ABCC9: variants seen among roughly 807,000 people sequenced by gnomAD.
ABCC9 encodes the protein ATP-binding cassette sub-family C member 9.
Under a neutral mutation model 188.3 loss-of-function variants are expected in ABCC9, and 95 were observed. The observed-to-expected ratio is 0.50, with a 90% CI of 0.43 to 0.60. ABCC9 has a LOEUF of 0.60. ABCC9 is among the 20% of genes least tolerant of loss of function. The pLI, the probability that ABCC9 is intolerant of heterozygous loss-of-function variation, is 0.00. For synonymous variants in ABCC9, 659 were observed against 652.7 expected (o/e 1.01, Z -0.15); for missense variants, 1,102 against 1,876.3 (o/e 0.59, Z 7.62).
chr12:21,923,967 C>T (rs571155227), intron 5 of ABCC9: 1 of 550,538 alleles, frequency 1.8e-6, no homozygotes, highest in Admixed American at 3.4e-5. Flanking sequence ...TACGGATGAG[C>T]ATCAAAAAAT....
At chr12:21,811,595 T>A (rs564219832) in intron 36 of ABCC9, among the ~76,000 whole-genome samples, 6 of 152,202 alleles carry the variant, frequency 3.9e-5, no homozygotes. Flanking sequence ...CTTTTTTTTT[T>A]GGTGGGAAAC....
intron 30 of ABCC9, 110 bp from the exon 31 acceptor site, chr12:21,829,170 GA>G: frequency 1.9e-6 from 1 of 530,902 alleles, no homozygotes. Flanking sequence ...TGATGGCATG[GA>G]ATGATCAGTA....
At chr12:21,837,644 G>T (rs957140865) in intron 30 of ABCC9, among the ~76,000 whole-genome samples, 18 of 152,214 alleles carry the variant, frequency 1.2e-4, no homozygotes, top group Middle Eastern at 3.4e-3. Flanking sequence ...TATTTCTTTT[G>T]TGAGAATTAT....
chr12:21,840,592 T>C (rs1944330745), intron 29 of ABCC9, among the ~76,000 whole-genome samples: 1 of 152,186 alleles, frequency 6.6e-6, no homozygotes, highest in Non-Finnish European at 1.5e-5. Context: ...ATATCAGTGT[T>C]GAGAAGGCAA....
At position 21,817,194 on chromosome 12, in the gene ABCC9, G is replaced by A; in HGVS notation, c.3885C>T (p.Gly1295=). ...CAATATTTAGAGCAATACCCATTGTGCCTTCATAGTTCTCTGACTCCATAG... is the reference window on the plus strand; with the variant it reads ...CAATATTTAGAGCAATACCCATTGTACCTTCATAGTTCTCTGACTCCATAG... ...FLTMESENYE[G]TMDPSQVPEH... is the part of the protein sequence containing the mutation. Residue 1295 remains glycine, a synonymous_variant, in exon 33 of 40, where the codon GGC becomes GGT. Coordinates refer to ENST00000261200, the MANE Select transcript of ABCC9 (RefSeq NM_020297.4). The A allele has an allele frequency of 6.2e-7, 1 of 1,613,426 alleles. No individual in the cohort carries two copies. Among genetic ancestry groups the A allele is most frequent in the Non-Finnish European group, 8.5e-7 (1 of 1,179,576 alleles).
intron 22 of ABCC9, 53 bp downstream of exon 22, chr12:21,859,533 T>G: frequency 6.4e-7 from 1 of 1,558,334 alleles, no homozygotes; most frequent in Non-Finnish European, 8.9e-7. Context: ...TAAAGACTCA[T>G]TTGTCCAGAT....
At chr12:21,880,790 A>T (rs563884626) in intron 16 of ABCC9, among the ~76,000 whole-genome samples, 39 of 152,204 alleles carry the variant, frequency 2.6e-4, no homozygotes, top group Non-Finnish European at 5.0e-4. Flanking sequence ...TGGCACCATC[A>T]CTTTGGAAAG....
chr12:21,874,338 T>C (rs895960613), intron 17 of ABCC9, among the ~76,000 whole-genome samples: 2 of 151,874 alleles, frequency 1.3e-5, no homozygotes, highest in African/African-American at 4.8e-5. Context: ...ATGGCTGTAA[T>C]AAAAAAACAT....
At position 21,896,098 on chromosome 12, in the gene ABCC9, T is replaced by TA. The variant is rs1329113801; in HGVS notation, c.1619-784dup. 3.8e-3 allele frequency among the ~76,000 whole-genome samples: 127 copies of TA among 33,718 alleles called. 1 individual carries two copies. The South Asian group carries it at 0.096, about 26-fold the overall frequency. 22.1% of individuals were successfully genotyped at this position (33,718 alleles called of 152,430 possible). A position where few individuals can be genotyped will look rare whatever the true frequency, so the allele number is the denominator to read the frequency against. On this transcript the variant is annotated intron_variant, in intron 12 of 39. Coordinates refer to ENST00000261200, the MANE Select transcript of ABCC9 (RefSeq NM_020297.4). ...AATTTTCTTTTTTTTTTTTTTTTTTTACTTTTCTTTTTTTTTTTATTATAC... is the reference window on the plus strand; with the variant it reads ...AATTTTCTTTTTTTTTTTTTTTTTTTAACTTTTCTTTTTTTTTTTATTATAC...
intron 31 of ABCC9, among the ~76,000 whole-genome samples, chr12:21,823,123 A>T (rs1482091173): frequency 6.6e-6 from 1 of 152,142 alleles, no homozygotes; most frequent in Non-Finnish European, 1.5e-5. Context: ...CTTAGGAAAC[A>T]GAAGTTACAA....
At position 21,798,120 on chromosome 12, in the gene ABCC9, G is replaced by A. The variant is rs1368438497; in HGVS notation, c.*2924C>T. 6.6e-6 allele frequency: 1 copy of A among 152,156 alleles called. No individual in the cohort carries two copies. Among genetic ancestry groups the A allele is most frequent in the African/African-American group, 2.4e-5 (1 of 41,442 alleles). 9.4% of individuals were successfully genotyped at this position (152,156 alleles called of 1,614,324 possible). A position where few individuals can be genotyped will look rare whatever the true frequency, so the allele number is the denominator to read the frequency against. ...CTCAACTTAAGTAACTAAAAGTTAT[G>A]AGGGGACCAGCAACCACTTGGCTGT... is the stretch of plus-strand genomic sequence containing the variant. On this transcript the variant is annotated 3_prime_UTR_variant, in exon 40 of 40. Transcript: ENST00000261200.
At chr12:21,876,684 A>G (rs571530443) in intron 16 of ABCC9, among the ~76,000 whole-genome samples, 9 of 152,346 alleles carry the variant, frequency 5.9e-5, no homozygotes, top group Non-Finnish European at 1.2e-4. Flanking sequence ...CAGGAATTAG[A>G]AGGATGAAGT....
chr12:21,807,340 A>G lies in ABCC9; in HGVS notation c.4449+6T>C. On this transcript the variant is annotated splice_donor_region_variant and intron_variant, in intron 38 of 39. Coordinates refer to ENST00000261200, the MANE Select transcript of ABCC9 (RefSeq NM_020297.4). ...TCAATTTTAAAAGCTTAGATAATGC[A>G]CTCACTGTGGCCATGTCAATGGAAG... The G allele has an allele frequency of 6.2e-7, 1 of 1,613,830 alleles. No individual in the cohort carries two copies. Among genetic ancestry groups the G allele is most frequent in the Non-Finnish European group, 8.5e-7 (1 of 1,179,756 alleles).
intron 3 of ABCC9, among the ~76,000 whole-genome samples, chr12:21,934,349 C>T (rs146674568): frequency 3.0e-4 from 46 of 152,104 alleles, no homozygotes; most frequent in Non-Finnish European, 5.3e-4. Context: ...TTACAAAATA[C>T]AGGACTCATT....
chr12:21,801,209 G>T (rs760801245), intron 39 of ABCC9, 28 bp from the exon 40 acceptor site: 2 of 1,613,122 alleles, frequency 1.2e-6, no homozygotes, highest in Non-Finnish European at 1.7e-6. Flanking sequence ...ACATGTATTT[G>T]TTACACATTT....
At chr12:21,856,451 ATAATT>A (rs1406983121) in intron 22 of ABCC9, among the ~76,000 whole-genome samples, 4 of 152,148 alleles carry the variant, frequency 2.6e-5, no homozygotes, top group South Asian at 2.1e-4. Flanking sequence ...ATTTTTGGAA[ATAATT>A]TAATATATTC....
intron 18 of ABCC9, among the ~76,000 whole-genome samples, chr12:21,868,424 G>A (rs549349759): frequency 5.3e-5 from 8 of 152,274 alleles, no homozygotes; most frequent in African/African-American, 9.6e-5. Flanking sequence ...CGGATTATGA[G>A]GTCAGGAGAT....
At chr12:21,895,693 AT>A (rs1947369019) in intron 12 of ABCC9, among the ~76,000 whole-genome samples, 2 of 152,200 alleles carry the variant, frequency 1.3e-5, no homozygotes, top group Admixed American at 1.3e-4. Flanking sequence ...AATATGTGAA[AT>A]CAGGTTATTA....
chr12:21,856,042 A>C (rs1393849093), intron 22 of ABCC9, among the ~76,000 whole-genome samples: 2 of 152,190 alleles, frequency 1.3e-5, no homozygotes, highest in African/African-American at 4.8e-5. Context: ...CAATAATGTC[A>C]AACCTAGGAG....
Sources: gnomAD v4.1 joint callset for allele counts (sites outside exome capture counted in the v4.1 genomes callset) on GRCh38, gnomAD v4.1.1 for gene constraint, MANE v1.5 for transcripts, NCBI Gene and HGNC (gene_info 2026-07-23, HGNC 2026-07-21) for gene names.